CADM2: variants seen among roughly 807,000 people sequenced by gnomAD.
CADM2 encodes cell adhesion molecule 2, also known as immunoglobulin superfamily member 4D.
Under a neutral mutation model 49.8 loss-of-function variants are expected in CADM2, and 12 were observed. That is an observed-to-expected ratio of 0.24 (90% CI 0.15 to 0.39). The LOEUF is 0.39. CADM2 is among the 10% of genes least tolerant of loss of function. CADM2 has a pLI of 1.00. For synonymous variants in CADM2, 214 were observed against 175.4 expected, an observed-to-expected ratio of 1.22 and a Z score of -1.74; for missense variants, 378 against 492.3, an observed-to-expected ratio of 0.77 and a Z score of 2.20.
intron 1 of CADM2, among the ~76,000 whole-genome samples, chr3:85,647,183 T>G (rs1237849406): frequency 2.0e-5 from 3 of 151,840 alleles, no homozygotes; most frequent in Non-Finnish European, 3.0e-5. Context: ...ATACAGATAA[T>G]TAATTTGTCA....
chr3:84,991,241 G>A (rs1216655620), intron 1 of CADM2, among the ~76,000 whole-genome samples: 1 of 151,876 alleles, frequency 6.6e-6, no homozygotes, highest in African/African-American at 2.4e-5. Context: ...ACTCTGAATT[G>A]TACTGGAAAA....
chr3:85,443,879 C>T (rs369269844), intron 1 of CADM2, among the ~76,000 whole-genome samples: 8 of 152,186 alleles, frequency 5.3e-5, no homozygotes, highest in East Asian at 1.9e-4. Context: ...TCAGGTATTT[C>T]GGTTGCCATC....
At chr3:85,366,922 A>C (rs561785616) in intron 1 of CADM2, among the ~76,000 whole-genome samples, 1 of 152,192 alleles carries the variant, frequency 6.6e-6, no homozygotes, top group South Asian at 2.1e-4. Flanking sequence ...TCTTATTTGA[A>C]ATGAACATTG....
chr3:85,671,615 C>T (rs192868555), intron 1 of CADM2, among the ~76,000 whole-genome samples: 1 of 152,262 alleles, frequency 6.6e-6, no homozygotes, highest in Non-Finnish European at 1.5e-5. Context: ...CCTTCCCCTT[C>T]TCTAACTCTA....
chr3:86,023,073 A>G (rs191776248), intron 8 of CADM2, among the ~76,000 whole-genome samples: 1 of 152,206 alleles, frequency 6.6e-6, no homozygotes. Context: ...CATTTTACCC[A>G]GTCCCCCTTT....
intron 1 of CADM2, among the ~76,000 whole-genome samples, chr3:85,402,782 T>C (rs1454877756): frequency 3.3e-5 from 5 of 152,164 alleles, no homozygotes; most frequent in Non-Finnish European, 7.3e-5. Context: ...ACTGTAAATC[T>C]TTTTGTCACC....
At position 86,066,919 on chromosome 3, in the gene CADM2, G is replaced by T; in HGVS notation, c.*136G>T. ...TACTGTACTGCTATCAGTAGCCAGTGTATACCAACAATCAGCTGTTGAAAG... is the reference window on the plus strand; with the variant it reads ...TACTGTACTGCTATCAGTAGCCAGTTTATACCAACAATCAGCTGTTGAAAG... On this transcript the variant is annotated 3_prime_UTR_variant, in exon 10 of 10. Transcript: ENST00000383699. The T allele has an allele frequency of 1.5e-6, 1 of 665,758 alleles. No homozygotes were observed. Among genetic ancestry groups the T allele is most frequent in the Non-Finnish European group, 2.7e-6 (1 of 371,546 alleles). The allele number at this position is 665,758 out of a possible 1,614,324, so 41.2% of individuals were successfully genotyped here. A position where few individuals can be genotyped will look rare whatever the true frequency, so the allele number is the denominator to read the frequency against.
intron 1 of CADM2, among the ~76,000 whole-genome samples, chr3:85,707,000 T>A (rs984115578): frequency 6.6e-6 from 1 of 152,142 alleles, no homozygotes; most frequent in Non-Finnish European, 1.5e-5. Flanking sequence ...TAGCTTTCAC[T>A]CTGTCACCCA....
At chr3:85,210,143 G>A (rs1019192264) in intron 1 of CADM2, among the ~76,000 whole-genome samples, 6 of 152,118 alleles carry the variant, frequency 3.9e-5, no homozygotes, top group African/African-American at 9.7e-5. Flanking sequence ...ATTGTTTCGA[G>A]GTATGTTCCT....
At chr3:86,038,994 T>G (rs904249434) in intron 8 of CADM2, among the ~76,000 whole-genome samples, 14 of 152,144 alleles carry the variant, frequency 9.2e-5, no homozygotes, top group African/African-American at 2.7e-4. Context: ...AATGTGAAAA[T>G]TGTTCTTTGC....
chr3:85,919,538 A>G (rs1427822290), intron 6 of CADM2, among the ~76,000 whole-genome samples: 2 of 151,942 alleles, frequency 1.3e-5, no homozygotes, highest in Non-Finnish European at 2.9e-5. Context: ...AATTGTTACT[A>G]AAATTATATC....
chr3:85,218,312 G>A (rs114178457), intron 1 of CADM2, among the ~76,000 whole-genome samples: 4,352 of 152,194 alleles, frequency 0.029, 95 homozygotes, highest in Middle Eastern at 0.054. Context: ...AATTGTTTAA[G>A]TTGTTATAAA....
chr3:85,268,111 A>T (rs1199889953), intron 1 of CADM2, among the ~76,000 whole-genome samples: 1 of 151,496 alleles, frequency 6.6e-6, no homozygotes, highest in Non-Finnish European at 1.5e-5. Flanking sequence ...TTAGTCTGGG[A>T]TATCAGGGAA....
chr3:85,546,582 A>G (rs1373985046), intron 1 of CADM2, among the ~76,000 whole-genome samples: 2 of 152,118 alleles, frequency 1.3e-5, no homozygotes, highest in Admixed American at 6.5e-5. Flanking sequence ...ATTAAATTAT[A>G]TATGATAAAA....
intron 1 of CADM2, among the ~76,000 whole-genome samples, chr3:85,073,359 C>G (rs1290139588): frequency 6.6e-6 from 1 of 152,128 alleles, no homozygotes; most frequent in East Asian, 1.9e-4. Context: ...ATAAAGTACA[C>G]TTCTCTAAGT....
intron 5 of CADM2, 59 bp downstream of exon 5, chr3:85,886,386 A>ATTACAGCCTGCGT: frequency 7.8e-7 from 1 of 1,289,362 alleles, no homozygotes; most frequent in Non-Finnish European, 1.1e-6. Context: ...TGACATGTTA[A>ATTACAGCCTGCGT]GAAAAAGGCA....
chr3:85,249,549 A>G lies in CADM2; in HGVS notation c.61+289881A>G, dbSNP rs577396336. Among the ~76,000 whole-genome samples the G allele has an allele frequency of 7.2e-5, 11 of 152,110 alleles. 1 individual carries two copies. Among genetic ancestry groups the G allele is most frequent in the African/African-American group, 2.6e-4 (11 of 41,566 alleles). On this transcript the variant is annotated intron_variant, in intron 1 of 9. Coordinates refer to ENST00000383699, the MANE Select transcript of CADM2 (RefSeq NM_001167675.2). ...TTGAATTAATGTTTACATTGTCTAT[A>G]CTAATTTACTCAACAATATCTTAAA... is the stretch of plus-strand genomic sequence containing the variant.
At chr3:85,467,626 CTG>C (rs1443564504) in intron 1 of CADM2, among the ~76,000 whole-genome samples, 3 of 148,554 alleles carry the variant, frequency 2.0e-5, no homozygotes, top group Admixed American at 6.6e-5. Context: ...AAAAAACACT[CTG>C]TTAACTTTTG....
At chr3:85,423,215 TCTC>T (rs2036254842) in intron 1 of CADM2, among the ~76,000 whole-genome samples, 1 of 151,992 alleles carries the variant, frequency 6.6e-6, no homozygotes, top group Non-Finnish European at 1.5e-5. Flanking sequence ...ACCCTACTCT[TCTC>T]CTGTGCCACT....
Sources: gnomAD v4.1 joint callset for allele counts (sites outside exome capture counted in the v4.1 genomes callset) on GRCh38, gnomAD v4.1.1 for gene constraint, MANE v1.5 for transcripts, NCBI Gene and HGNC (gene_info 2026-07-23, HGNC 2026-07-21) for gene names.